CHIC2: variants seen among roughly 807,000 people sequenced by gnomAD.
The protein encoded by CHIC2 is cysteine rich hydrophobic domain 2, also known as cysteine-rich hydrophobic domain-containing protein 2.
In CHIC2, 14 loss-of-function variants were observed where a neutral mutation model predicts 25.9. That is an observed-to-expected ratio of 0.54 (90% CI 0.36 to 0.85). The LOEUF (loss-of-function observed/expected upper bound fraction) is 0.85. CHIC2 is among the 40% of genes least tolerant of loss of function. The pLI is 0.01. For synonymous variants in CHIC2, 70 were observed against 72.0 expected (o/e 0.97, Z 0.14); for missense variants, 146 against 202.0 (o/e 0.72, Z 1.68).
At chr4:54,076,938 G>A in the CHIC2 span, 1 of 151,932 alleles carries the variant, frequency 6.6e-6, no homozygotes, top group African/African-American at 2.4e-5. Flanking sequence ...GAATATGTGG[G>A]CTAAGGAATC....
upstream of CHIC2, among the ~76,000 whole-genome samples, chr4:54,065,857 A>T (rs1182659811): frequency 6.6e-6 from 1 of 152,242 alleles, no homozygotes; most frequent in Non-Finnish European, 1.5e-5. Flanking sequence ...TCCTTTTGGA[A>T]ACAACTGAAG....
chr4:54,049,146 T>C (rs1185962550), intron 2 of CHIC2, 36 bp from the exon 3 acceptor site: 1 of 1,577,150 alleles, frequency 6.3e-7, no homozygotes, highest in Non-Finnish European at 8.6e-7. Flanking sequence ...AACAATGCAA[T>C]ATTAATGTCA....
chr4:54,017,576 C>A (rs896829901), intron 3 of CHIC2, among the ~76,000 whole-genome samples: 1 of 152,118 alleles, frequency 6.6e-6, no homozygotes, highest in Non-Finnish European at 1.5e-5. Context: ...GACAGGTTAG[C>A]GGTTCTTTAC....
At chr4:54,084,395 G>C in the CHIC2 span, among the ~76,000 whole-genome samples, 2 of 151,912 alleles carry the variant, frequency 1.3e-5, no homozygotes, top group Non-Finnish European at 2.9e-5. Context: ...GTCCTGTCTG[G>C]ATAAGGGTCA....
the CHIC2 span, among the ~76,000 whole-genome samples, chr4:54,089,868 T>A: frequency 6.6e-6 from 1 of 152,200 alleles, no homozygotes; most frequent in African/African-American, 2.4e-5. Flanking sequence ...ATTGAAAATT[T>A]GCAACTTATT....
At chr4:54,024,609 A>T (rs185942654) in intron 3 of CHIC2, among the ~76,000 whole-genome samples, 1 of 152,180 alleles carries the variant, frequency 6.6e-6, no homozygotes, top group South Asian at 2.1e-4. Context: ...GGGACTCCGT[A>T]TATTTTTAAA....
At chr4:54,085,635 A>C in the CHIC2 span, among the ~76,000 whole-genome samples, 62 of 152,338 alleles carry the variant, frequency 4.1e-4, no homozygotes, top group South Asian at 8.3e-3. Context: ...TGTAAATTAT[A>C]AAAACAAGAG....
At chr4:54,075,667 C>G in the CHIC2 span, among the ~76,000 whole-genome samples, 3 of 152,296 alleles carry the variant, frequency 2.0e-5, no homozygotes, top group Admixed American at 2.0e-4. Flanking sequence ...AATTCTCGTG[C>G]CTCAGCCTCC....
At chr4:54,030,407 C>T (rs374495107) in intron 3 of CHIC2, among the ~76,000 whole-genome samples, 3 of 151,138 alleles carry the variant, frequency 2.0e-5, no homozygotes, top group Admixed American at 6.6e-5. Context: ...CCTACAGTCC[C>T]GCCTACTTGG....
intron 3 of CHIC2, among the ~76,000 whole-genome samples, chr4:54,017,649 T>C (rs1487164108): frequency 6.6e-6 from 1 of 152,100 alleles, no homozygotes; most frequent in African/African-American, 2.4e-5. Flanking sequence ...TATCAAGTAT[T>C]CTTATCTTTA....
chr4:54,071,265 T>G, the CHIC2 span, among the ~76,000 whole-genome samples: 1 of 152,226 alleles, frequency 6.6e-6, no homozygotes, highest in Non-Finnish European at 1.5e-5. Flanking sequence ...TTGAGTGTCA[T>G]GTCAGCACTT....
chr4:54,083,018 C>CTTTTTTTTTTTTTTTTTTTTTTTTTTTT, the CHIC2 span, among the ~76,000 whole-genome samples: 16 of 67,916 alleles, frequency 2.4e-4, 1 homozygote, highest in Non-Finnish European at 2.9e-4. Flanking sequence ...TTCTTTCTTT[C>CTTTTTTTTTTTTTTTTTTTTTTTTTTTT]TTTTTTTTTT....
intron 3 of CHIC2, among the ~76,000 whole-genome samples, chr4:54,030,784 C>T (rs548601122): frequency 4.6e-4 from 70 of 151,028 alleles, no homozygotes; most frequent in African/African-American, 1.6e-3. Context: ...TCTCCTGCCT[C>T]AGCCTCCCAA....
chr4:54,058,559 TAC>T (rs36034143), intron 1 of CHIC2, among the ~76,000 whole-genome samples: 32,055 of 138,292 alleles, frequency 0.23, 3,743 homozygotes, highest in East Asian at 0.6. Context: ...TACACACACA[TAC>T]ACACACACAC....
intron 1 of CHIC2, among the ~76,000 whole-genome samples, chr4:54,052,125 T>TTC (rs200598164): frequency 6.7e-6 from 1 of 150,122 alleles, no homozygotes; most frequent in Non-Finnish European, 1.5e-5. Flanking sequence ...TGCCAAAACC[T>TTC]TTTTTTTTAA....
At chr4:54,047,035 A>G (rs926580231) in intron 3 of CHIC2, among the ~76,000 whole-genome samples, 4 of 152,202 alleles carry the variant, frequency 2.6e-5, no homozygotes, top group South Asian at 2.1e-4. Context: ...GCAGCCAAAA[A>G]ACACATGAAA....
In CHIC2 at chr4:54,059,444, A is replaced by G. The variant is rs538476348; in HGVS notation, c.119+4738T>C. ...GTAGTTCTAGCTACTTCAGAGACTG[A>G]GAAAGGAGGATCACTAGAGCCAGGA... is the stretch of plus-strand genomic sequence containing the variant. On this transcript the variant is annotated intron_variant, in intron 1 of 5. Coordinates refer to ENST00000263921, the MANE Select transcript of CHIC2 (RefSeq NM_012110.4). Among the ~76,000 whole-genome samples, 4 of 152,182 alleles carry G rather than the reference A, an allele frequency of 2.6e-5. No individual in the cohort carries two copies. In the East Asian group the frequency reaches 7.7e-4, roughly 29 times the overall value.
upstream of CHIC2, among the ~76,000 whole-genome samples, chr4:54,066,430 TATATC>T (rs987151617): frequency 1.3e-5 from 2 of 152,202 alleles, no homozygotes; most frequent in African/African-American, 4.8e-5. Flanking sequence ...ACGTACATAA[TATATC>T]ATTTAATATT....
At chr4:54,049,381 C>A in intron 1 of CHIC2, 76 bp from the exon 2 acceptor site, 1 of 915,758 alleles carries the variant, frequency 1.1e-6, no homozygotes, top group South Asian at 1.8e-5. Context: ...ATTTAAAGGT[C>A]AAGTCAATAG....
Sources: gnomAD v4.1 joint callset for allele counts (sites outside exome capture counted in the v4.1 genomes callset) on GRCh38, gnomAD v4.1.1 for gene constraint, MANE v1.5 for transcripts, NCBI Gene and HGNC (gene_info 2026-07-23, HGNC 2026-07-21) for gene names.